MAPK10: variants seen among roughly 807,000 people sequenced by gnomAD.
The protein encoded by MAPK10 is JNK3 alpha protein kinase.
A neutral mutation model predicts 59.3 loss-of-function variants in MAPK10; 25 were observed. The observed-to-expected ratio is 0.42, with a 90% CI of 0.31 to 0.59. The LOEUF is 0.59. Among genes scored for constraint, MAPK10 ranks in the 20% least tolerant of loss-of-function variants. The pLI is 0.15. For missense variants in MAPK10, 351 were observed against 568.9 expected, an observed-to-expected ratio of 0.62 and a Z score of 3.90; for synonymous variants, 190 against 200.5, an observed-to-expected ratio of 0.95 and a Z score of 0.44.
At chr4:86,242,065 C>T (rs370017981) in intron 2 of MAPK10, among the ~76,000 whole-genome samples, 1 of 151,756 alleles carries the variant, frequency 6.6e-6, no homozygotes, top group African/African-American at 2.4e-5. Context: ...TTGTTATTGT[C>T]GCTTTCTGCT....
At chr4:86,075,768 C>G (rs372321485) in intron 9 of MAPK10, among the ~76,000 whole-genome samples, 2 of 152,100 alleles carry the variant, frequency 1.3e-5, no homozygotes, top group Non-Finnish European at 2.9e-5. Flanking sequence ...TCTCCAGCTG[C>G]GTGCTGGGAG....
chr4:86,368,630 C>T (rs887368752), intron 1 of MAPK10, among the ~76,000 whole-genome samples: 1 of 152,102 alleles, frequency 6.6e-6, no homozygotes, highest in African/African-American at 2.4e-5. Context: ...TATAAAAGTA[C>T]GGGTTTGCTT....
At chr4:86,423,760 G>GATAGATATATATATATATAT (rs1746843471) in intron 1 of MAPK10, among the ~76,000 whole-genome samples, 1 of 117,120 alleles carries the variant, frequency 8.5e-6, no homozygotes, top group Non-Finnish European at 1.7e-5. Context: ...TAATTAGTGG[G>GATAGATATATATATATATAT]ATATATATAC....
chr4:86,172,889 C>T (rs2074680551), intron 3 of MAPK10, among the ~76,000 whole-genome samples: 2 of 151,628 alleles, frequency 1.3e-5, no homozygotes, highest in South Asian at 4.2e-4. Flanking sequence ...GAATAAAATG[C>T]CTAGGAATAC....
At chr4:86,374,078 A>T (rs1193990454) in intron 1 of MAPK10, among the ~76,000 whole-genome samples, 1 of 152,132 alleles carries the variant, frequency 6.6e-6, no homozygotes, top group East Asian at 1.9e-4. Context: ...TGCAGCCAGA[A>T]AAAAAAGGAT....
At chr4:86,092,140 T>C (rs1410291567) in intron 9 of MAPK10, among the ~76,000 whole-genome samples, 1 of 152,140 alleles carries the variant, frequency 6.6e-6, no homozygotes, top group Non-Finnish European at 1.5e-5. Context: ...ATCTTTTGCA[T>C]AAAAATAATG....
intron 1 of MAPK10, chr4:86,358,159 G>A (rs149389144): frequency 1.0e-6 from 1 of 983,686 alleles, no homozygotes; most frequent in Non-Finnish European, 1.2e-6. Flanking sequence ...AGAAGCTTGT[G>A]ATATACTTAT....
intron 1 of MAPK10, among the ~76,000 whole-genome samples, chr4:86,487,388 G>C (rs1318467037): frequency 1.2e-5 from 1 of 86,476 alleles, no homozygotes; most frequent in Non-Finnish European, 2.8e-5. Context: ...TGTGTGTAGA[G>C]AGAGAAAGAA....
intron 6 of MAPK10, 97 bp downstream of exon 6, chr4:86,103,089 G>A: frequency 2.7e-6 from 2 of 734,122 alleles, no homozygotes; most frequent in Non-Finnish European, 4.9e-6. Flanking sequence ...GTGTGTGTGT[G>A]TGTGTGTGTG....
intron 2 of MAPK10, chr4:86,327,216 C>T (rs992138834): frequency 6.6e-6 from 1 of 151,118 alleles, no homozygotes; most frequent in African/African-American, 2.4e-5. Context: ...CTCAAGATAT[C>T]CCCCTACCTT....
chr4:86,130,197 T>C (rs1369771235), intron 4 of MAPK10, among the ~76,000 whole-genome samples: 1 of 152,180 alleles, frequency 6.6e-6, no homozygotes, highest in African/African-American at 2.4e-5. Context: ...TTGTGAGCTA[T>C]CTCTTCATTT....
intron 2 of MAPK10, among the ~76,000 whole-genome samples, chr4:86,337,572 C>T (rs1269309422): frequency 3.9e-5 from 6 of 152,198 alleles, no homozygotes; most frequent in Non-Finnish European, 8.8e-5. Flanking sequence ...CTGCACCCAC[C>T]ATGATCAGAT....
intron 4 of MAPK10, among the ~76,000 whole-genome samples, chr4:86,135,648 A>G (rs1013889501): frequency 1.3e-5 from 2 of 152,210 alleles, no homozygotes; most frequent in Admixed American, 1.3e-4. Context: ...CTCCAAAGGA[A>G]CTCAGTTCCT....
chr4:86,032,795 C>T (rs2039355448), intron 11 of MAPK10, among the ~76,000 whole-genome samples: 1 of 152,180 alleles, frequency 6.6e-6, no homozygotes, highest in Admixed American at 6.5e-5. Context: ...CTTTGCCTGG[C>T]TGTGGTGAAG....
At chr4:86,589,909 G>C (rs1378679280) in intron 1 of MAPK10, among the ~76,000 whole-genome samples, 1 of 150,628 alleles carries the variant, frequency 6.6e-6, no homozygotes, top group Non-Finnish European at 1.5e-5. Flanking sequence ...GCGTGAACCC[G>C]GCAGGCAGAG....
intron 1 of MAPK10, among the ~76,000 whole-genome samples, chr4:86,433,138 A>G (rs1264661495): frequency 6.6e-6 from 1 of 152,196 alleles, no homozygotes; most frequent in Non-Finnish European, 1.5e-5. Context: ...AGGGAGGTTA[A>G]TATGAGAAGC....
In MAPK10 at chr4:86,107,267, C is replaced by A; in HGVS notation, c.322G>T (p.Ala108Ser). 6.2e-7 allele frequency: 1 copy of A among 1,613,326 alleles called. No individual in the cohort carries two copies. Among genetic ancestry groups the A allele is most frequent in the Non-Finnish European group, 8.5e-7 (1 of 1,179,494 alleles). ...PFQNQTHAKR[A>S]YRELVLMKCV... ...TTCATGAGGACCAGCTCCCGGTACGCTCTCTTGGCATGTGTTTGGTTCTGA... is the reference window on the plus strand; with the variant it reads ...TTCATGAGGACCAGCTCCCGGTACGATCTCTTGGCATGTGTTTGGTTCTGA... The change falls in exon 5 of 14, where the codon GCG becomes TCG. Residue 108 changes from alanine to serine, a missense_variant. Transcript: ENST00000641462.
intron 1 of MAPK10, among the ~76,000 whole-genome samples, chr4:86,589,245 C>G (rs1054484914): frequency 6.6e-6 from 1 of 151,920 alleles, no homozygotes; most frequent in Admixed American, 6.6e-5. Flanking sequence ...ATCTATTAGA[C>G]TGGGAAAGAT....
intron 4 of MAPK10, among the ~76,000 whole-genome samples, chr4:86,132,953 T>C (rs2149144810): frequency 6.6e-6 from 1 of 152,276 alleles, no homozygotes; most frequent in Admixed American, 6.5e-5. Flanking sequence ...ACAATAAATG[T>C]AATGTGCTTG....
Sources: gnomAD v4.1 joint callset for allele counts (sites outside exome capture counted in the v4.1 genomes callset) on GRCh38, gnomAD v4.1.1 for gene constraint, MANE v1.5 for transcripts, NCBI Gene and HGNC (gene_info 2026-07-23, HGNC 2026-07-21) for gene names.